The following CLEC9A variants were observed in gnomAD, a reference collection of about 807,000 sequenced individuals.
CLEC9A encodes C-type lectin domain containing 9A.
CLEC9A carries 24 observed loss-of-function variants against 30.0 expected under a neutral mutation model. The ratio of observed to expected loss-of-function variants is 0.80; its 90% CI spans 0.58 to 1.13. CLEC9A has a LOEUF of 1.13. CLEC9A is among the 50% of genes most tolerant of loss of function. The pLI is 0.00. For synonymous variants in CLEC9A, 111 were observed against 96.8 expected, an observed-to-expected ratio of 1.15 and a Z score of -0.86; for missense variants, 251 against 280.9, an observed-to-expected ratio of 0.89 and a Z score of 0.76.
chr12:10,038,883 A>C (rs5011269), intron 1 of CLEC9A, among the ~76,000 whole-genome samples: 68 of 74,440 alleles, frequency 9.1e-4, no homozygotes, highest in Non-Finnish European at 1.2e-3. Flanking sequence ...GCCTTAACAG[A>C]GAGTAATATT....
chr12:10,047,610 T>G (rs888751233), intron 2 of CLEC9A, among the ~76,000 whole-genome samples: 1 of 152,234 alleles, frequency 6.6e-6, no homozygotes, highest in Non-Finnish European at 1.5e-5. Flanking sequence ...AGAAGTATTG[T>G]AGACTCAGTT....
intron 2 of CLEC9A, among the ~76,000 whole-genome samples, chr12:10,051,072 G>A (rs1458448209): frequency 6.6e-6 from 1 of 152,024 alleles, no homozygotes; most frequent in Non-Finnish European, 1.5e-5. Flanking sequence ...GGGCGTGGTG[G>A]CGGGTGCCTG....
chr12:10,063,766 A>G (rs758997560), intron 7 of CLEC9A, among the ~76,000 whole-genome samples: 1 of 152,230 alleles, frequency 6.6e-6, no homozygotes, highest in Non-Finnish European at 1.5e-5. Context: ...CTGTAATCCC[A>G]GCATTTTGGG....
At chr12:10,047,863 C>G in intron 2 of CLEC9A, among the ~76,000 whole-genome samples, 1 of 152,028 alleles carries the variant, frequency 6.6e-6, no homozygotes. Flanking sequence ...CGTGCCTTGA[C>G]GTTGATGGAT....
intron 5 of CLEC9A, among the ~76,000 whole-genome samples, chr12:10,056,233 C>T (rs549045912): frequency 7.9e-5 from 12 of 151,970 alleles, no homozygotes; most frequent in African/African-American, 2.7e-4. Context: ...TTAACTGTGA[C>T]CCAGCAGTAC....
chr12:10,050,078 C>T (rs1865879789), intron 2 of CLEC9A, among the ~76,000 whole-genome samples: 1 of 152,086 alleles, frequency 6.6e-6, no homozygotes, highest in Non-Finnish European at 1.5e-5. Flanking sequence ...TATAAGGAGG[C>T]TCAAGGAAAA....
At chr12:10,049,327 T>A (rs909781356) in intron 2 of CLEC9A, among the ~76,000 whole-genome samples, 1 of 152,186 alleles carries the variant, frequency 6.6e-6, no homozygotes, top group East Asian at 1.9e-4. Context: ...TAATTGACTA[T>A]TGGCTTTAAC....
intron 4 of CLEC9A, among the ~76,000 whole-genome samples, chr12:10,053,200 T>C (rs1181283212): frequency 6.6e-6 from 1 of 152,210 alleles, no homozygotes; most frequent in Non-Finnish European, 1.5e-5. Context: ...TCTGTCTGTA[T>C]CGTTTAATAT....
chr12:10,044,317 A>C (rs1865826325), intron 2 of CLEC9A, among the ~76,000 whole-genome samples: 2 of 152,228 alleles, frequency 1.3e-5, no homozygotes, highest in Non-Finnish European at 2.9e-5. Flanking sequence ...TGGATAACCA[A>C]ATCTTGTACA....
At chr12:10,049,274 A>G (rs1865873835) in intron 2 of CLEC9A, among the ~76,000 whole-genome samples, 1 of 152,284 alleles carries the variant, frequency 6.6e-6, no homozygotes, top group South Asian at 2.1e-4. Context: ...TAGGCAGGGT[A>G]TATTTAGGAT....
intron 7 of CLEC9A, among the ~76,000 whole-genome samples, chr12:10,063,654 C>A (rs1020018826): frequency 1.3e-5 from 2 of 152,142 alleles, no homozygotes; most frequent in East Asian, 1.9e-4. Flanking sequence ...ATAAATAGGT[C>A]TTGAAAAATA....
At chr12:10,065,355 TGAA>T (rs1591896863) in intron 8 of CLEC9A, 142 bp from the exon 9 acceptor site, 5 of 735,256 alleles carry the variant, frequency 6.8e-6, no homozygotes, top group African/African-American at 3.6e-5. Flanking sequence ...AAGCAGTTAC[TGAA>T]GAAGGAGGAT....
intron 6 of CLEC9A, 135 bp from the exon 7 acceptor site, chr12:10,062,920 G>GT (rs1300651815): frequency 3.7e-6 from 2 of 546,956 alleles, no homozygotes; most frequent in Admixed American, 3.9e-5. Flanking sequence ...GCTGAAATTG[G>GT]TAAGTGCTAC....
chr12:10,055,881 A>ACAT (rs1255112879), intron 5 of CLEC9A, among the ~76,000 whole-genome samples: 2 of 151,728 alleles, frequency 1.3e-5, no homozygotes, highest in Non-Finnish European at 2.9e-5. Context: ...ACATGGTGAA[A>ACAT]CATCATCTCT....
At chr12:10,054,212 C>A in intron 4 of CLEC9A, 59 bp from the exon 5 acceptor site, 1 of 1,312,574 alleles carries the variant, frequency 7.6e-7, no homozygotes, top group Non-Finnish European at 1.1e-6. Context: ...TCTATCCTTG[C>A]CCCGTCTTTT....
intron 1 of CLEC9A, among the ~76,000 whole-genome samples, chr12:10,035,182 C>T (rs541416649): frequency 6.6e-6 from 1 of 152,180 alleles, no homozygotes; most frequent in Non-Finnish European, 1.5e-5. Flanking sequence ...GATGACTACT[C>T]TCAATGTCCA....
intron 4 of CLEC9A, 87 bp from the exon 5 acceptor site, chr12:10,054,184 T>A (rs1865919591): frequency 9.5e-7 from 1 of 1,052,288 alleles, no homozygotes; most frequent in Non-Finnish European, 1.5e-6. Flanking sequence ...GTTAATTCCT[T>A]CTTTTACTCA....
chr12:10,064,320 T>C (rs925666444), intron 7 of CLEC9A, among the ~76,000 whole-genome samples: 8 of 152,248 alleles, frequency 5.3e-5, no homozygotes, highest in Admixed American at 6.5e-5. Context: ...AACGTGCTCA[T>C]AGTTAAGTTG....
intron 1 of CLEC9A, among the ~76,000 whole-genome samples, chr12:10,038,782 G>A (rs1865764544): frequency 6.6e-6 from 1 of 152,210 alleles, no homozygotes; most frequent in Admixed American, 6.5e-5. Flanking sequence ...AGTTAAATGT[G>A]TGTGTGTGAT....
Sources: allele counts gnomAD v4.1 joint callset (sites outside exome capture counted in the v4.1 genomes callset), GRCh38; gene constraint gnomAD v4.1.1; transcripts MANE v1.5; gene names NCBI Gene and HGNC (gene_info 2026-07-23, HGNC 2026-07-21).